The following ZNF536 variants were observed in gnomAD, a reference collection of about 807,000 sequenced individuals.
ZNF536 encodes zinc finger protein 536.
In ZNF536, 13 loss-of-function variants were observed where a neutral mutation model predicts 84.5. The ratio of observed to expected loss-of-function variants is 0.15; its 90% CI spans 0.10 to 0.24. The LOEUF is 0.24. ZNF536 is among the 10% of genes least tolerant of loss of function. ZNF536 has a pLI of 1.00. For synonymous variants in ZNF536, 811 were observed against 742.5 expected (o/e 1.09, Z -1.50); for missense variants, 1,536 against 1,747.5 (o/e 0.88, Z 2.16).
chr19:30,346,170 A>T (rs552521713), intron 2 of ZNF536, among the ~76,000 whole-genome samples: 4 of 152,336 alleles, frequency 2.6e-5, no homozygotes, highest in African/African-American at 9.6e-5. Flanking sequence ...CTTGGGAGCC[A>T]GGAGAAGGGA....
intron 1 of ZNF536, among the ~76,000 whole-genome samples, chr19:30,238,842 T>C (rs12984687): frequency 2.6e-5 from 4 of 151,796 alleles, no homozygotes; most frequent in African/African-American, 7.3e-5. Flanking sequence ...AATATATATA[T>C]ACACACACAT....
intron 1 of ZNF536, among the ~76,000 whole-genome samples, chr19:30,636,319 C>T (rs190601818): frequency 6.6e-6 from 1 of 152,252 alleles, no homozygotes; most frequent in Non-Finnish European, 1.5e-5. Flanking sequence ...GATCATCTCC[C>T]CCATGGCAAT....
intron 2 of ZNF536, among the ~76,000 whole-genome samples, chr19:30,467,824 G>T (rs953758287): frequency 6.6e-6 from 1 of 152,240 alleles, no homozygotes; most frequent in Non-Finnish European, 1.5e-5. Flanking sequence ...GGTAGCTACT[G>T]TGTACCCTGA....
chr19:30,501,806 G>A lies in ZNF536; in HGVS notation c.2171-33041G>A, dbSNP rs150722089. 3.1e-3 allele frequency among the ~76,000 whole-genome samples: 475 copies of A among 152,306 alleles called. 2 individuals carry two copies. The highest frequency in any genetic ancestry group is 0.011 in the African/African-American group (447 of 41,562). ...GGTCCTTAACCCATTCATGCCTGAG[G>A]TTGCAATTTTTTGAATTTTTGCAAT... On this transcript the variant is annotated intron_variant, in intron 2 of 4. Coordinates refer to ENST00000355537, the MANE Select transcript of ZNF536 (RefSeq NM_014717.3).
At chr19:30,315,444 G>A (rs2046646809) in intron 2 of ZNF536, among the ~76,000 whole-genome samples, 1 of 152,116 alleles carries the variant, frequency 6.6e-6, no homozygotes, top group Non-Finnish European at 1.5e-5. Flanking sequence ...GATGATGGTG[G>A]GGCATGAGCC....
At chr19:30,569,307 G>A (rs1021073653) in intron 1 of ZNF536, among the ~76,000 whole-genome samples, 2 of 152,082 alleles carry the variant, frequency 1.3e-5, no homozygotes, top group African/African-American at 4.8e-5. Flanking sequence ...AGGAAAGTCT[G>A]GGCTACCCTG....
At chr19:30,302,375 T>C (rs994401809) in intron 2 of ZNF536, among the ~76,000 whole-genome samples, 1 of 152,178 alleles carries the variant, frequency 6.6e-6, no homozygotes, top group Admixed American at 6.5e-5. Context: ...CTCACAGCCA[T>C]GGTTCTGCGT....
chr19:30,471,023 G>A (rs2053613060), intron 2 of ZNF536, among the ~76,000 whole-genome samples: 1 of 144,446 alleles, frequency 6.9e-6, no homozygotes, highest in Admixed American at 7.0e-5. Context: ...GTCTCGCTAT[G>A]TTGCCCAGGC....
In ZNF536 at chr19:30,549,201, G is replaced by A. The variant is rs769633246; in HGVS notation, c.3582G>A (p.Leu1194=). 1.9e-6 allele frequency: 3 copies of A among 1,614,060 alleles called. No homozygotes were observed. Among genetic ancestry groups the A allele is most frequent in the Non-Finnish European group, 2.5e-6 (3 of 1,180,048 alleles). The part of the protein sequence containing the change: ...ETEPEMMTKP[L]SALSKDSSSD... The stretch of plus-strand genomic sequence containing the variant: ...AACCGGAAATGATGACCAAGCCACT[G>A]TCTGCCCTCAGCAAAGACAGCAGCA... The change falls in exon 4 of 5, where the codon CTG becomes CTA. Residue 1194 remains leucine (L), a synonymous_variant. Coordinates refer to ENST00000355537, the MANE Select transcript of ZNF536 (RefSeq NM_014717.3).
At chr19:30,311,228 A>G (rs769114724) in intron 2 of ZNF536, among the ~76,000 whole-genome samples, 3 of 152,124 alleles carry the variant, frequency 2.0e-5, no homozygotes, top group Non-Finnish European at 4.4e-5. Context: ...TCAGGAGCCC[A>G]TCTGTCCCTG....
At chr19:30,253,334 T>C (rs2024720608) in intron 1 of ZNF536, among the ~76,000 whole-genome samples, 1 of 152,256 alleles carries the variant, frequency 6.6e-6, no homozygotes, top group Non-Finnish European at 1.5e-5. Context: ...AGCCATTTCA[T>C]GTCTCTATCA....
chr19:30,568,177 G>C (rs2046419325), intron 1 of ZNF536, among the ~76,000 whole-genome samples: 1 of 152,214 alleles, frequency 6.6e-6, no homozygotes, highest in Non-Finnish European at 1.5e-5. Flanking sequence ...TGTGCAGACA[G>C]TAGGTAGCAT....
At chr19:30,261,711 AAAAAAAG>A (rs1463161282) in intron 1 of ZNF536, among the ~76,000 whole-genome samples, 1 of 151,952 alleles carries the variant, frequency 6.6e-6, no homozygotes, top group Non-Finnish European at 1.5e-5. Flanking sequence ...AAAAAAAAAA[AAAAAAAG>A]AAAAAGAAAA....
chr19:30,453,137 G>C (rs2052684628), intron 2 of ZNF536, among the ~76,000 whole-genome samples: 1 of 152,146 alleles, frequency 6.6e-6, no homozygotes, highest in Non-Finnish European at 1.5e-5. Flanking sequence ...CCGCAGCCAG[G>C]CGCCATCTGG....
intron 1 of ZNF536, among the ~76,000 whole-genome samples, chr19:30,701,509 T>A (rs73032828): frequency 0.052 from 3,403 of 64,912 alleles, 118 homozygotes; most frequent in African/African-American, 0.15. Flanking sequence ...ACACAAAAAC[T>A]CACAAACACA....
chr19:30,532,724 C>A (rs895197944), intron 2 of ZNF536, among the ~76,000 whole-genome samples: 1 of 152,190 alleles, frequency 6.6e-6, no homozygotes, highest in East Asian at 1.9e-4. Flanking sequence ...AAGGAGATGG[C>A]CTTGCCACTG....
intron 1 of ZNF536, among the ~76,000 whole-genome samples, chr19:30,567,581 C>T (rs1599835589): frequency 6.6e-6 from 1 of 152,204 alleles, no homozygotes; most frequent in Non-Finnish European, 1.5e-5. Flanking sequence ...CCGAGGAAAC[C>T]TGACCCCCAC....
chr19:30,681,079 T>A (rs2050950498), intron 1 of ZNF536, among the ~76,000 whole-genome samples: 1 of 152,146 alleles, frequency 6.6e-6, no homozygotes, highest in Admixed American at 6.5e-5. Context: ...CCCTTTCTAT[T>A]CCCCAACTTT....
chr19:30,559,781 C>T (rs1056026856), downstream of ZNF536, among the ~76,000 whole-genome samples: 2 of 152,252 alleles, frequency 1.3e-5, no homozygotes, highest in South Asian at 2.1e-4. Context: ...TCCCTGGAGC[C>T]GTGTATTCAG....
Sources: allele counts gnomAD v4.1 joint callset (sites outside exome capture counted in the v4.1 genomes callset), GRCh38; gene constraint gnomAD v4.1.1; transcripts MANE v1.5; gene names NCBI Gene and HGNC (gene_info 2026-07-23, HGNC 2026-07-21).